Variants in INPP5D observed in about 807,000 individuals in gnomAD.
INPP5D encodes phosphatidylinositol 3,4,5-trisphosphate 5-phosphatase 1.
In INPP5D, 33 loss-of-function variants were observed where a neutral mutation model predicts 122.9. The observed-to-expected ratio is 0.27, with a 90% CI of 0.20 to 0.36. INPP5D has a LOEUF of 0.36. Among genes scored for constraint, INPP5D ranks in the 10% least tolerant of loss-of-function variants. The pLI is 1.00. For missense variants in INPP5D, 1,053 were observed against 1,412.7 expected, an observed-to-expected ratio of 0.75 and a Z score of 4.08; for synonymous variants, 584 against 576.2, an observed-to-expected ratio of 1.01 and a Z score of -0.19.
intron 13 of INPP5D, chr2:233,168,819 G>T (rs150137230): frequency 6.5e-6 from 1 of 153,978 alleles, no homozygotes; most frequent in Non-Finnish European, 1.4e-5. Context: ...CTTCCATGAA[G>T]TTCCCAGGTG....
chr2:233,164,295 T>C lies in INPP5D; in HGVS notation c.1438-12T>C. On this transcript the variant is annotated splice_polypyrimidine_tract_variant and intron_variant, in intron 12 of 26. Transcript: ENST00000445964. This position sits in a 1 kb window ranked among gnomAD's most constrained non-coding sequence, Gnocchi z 4.3. ...ACTTGGGCCGAGTATTGCAACGTTG[T>C]CCTCCCACCAGGTCGCCATCCACAC... is the stretch of plus-strand genomic sequence containing the variant. 6.5e-7 allele frequency: 1 copy of C among 1,545,102 alleles called. No homozygotes were observed. The highest frequency in any genetic ancestry group is 8.7e-7 in the Non-Finnish European group (1 of 1,143,600).
intron 9 of INPP5D, among the ~76,000 whole-genome samples, chr2:233,157,599 G>C (rs1694087395): frequency 6.6e-6 from 1 of 152,176 alleles, no homozygotes; most frequent in African/African-American, 2.4e-5. Context: ...AGGATGATGT[G>C]GGGACTGAAA....
intron 2 of INPP5D, among the ~76,000 whole-genome samples, chr2:233,089,156 G>T (rs1440214613): frequency 1.3e-5 from 2 of 152,158 alleles, no homozygotes; most frequent in African/African-American, 2.4e-5. Flanking sequence ...TCCCAACCAG[G>T]TGACAAGAGA....
chr2:233,165,624 C>A (rs1694312782), intron 13 of INPP5D, among the ~76,000 whole-genome samples: 1 of 150,230 alleles, frequency 6.7e-6, no homozygotes, highest in Non-Finnish European at 1.5e-5. Flanking sequence ...GAGTGTACCA[C>A]CCCGTATCTA....
rs559902032 is a variant in INPP5D, at chr2:233,196,890, C to T, written c.2694-1205C>T. On this transcript the variant is annotated intron_variant, in intron 24 of 26. Coordinates refer to ENST00000445964, the MANE Select transcript of INPP5D (RefSeq NM_001017915.3). The stretch of plus-strand genomic sequence containing the variant: ...CAGGAATTCTCATCTCTAGCACATT[C>T]CCTGATCCACTTCCAGCTTCCGATG... Among the ~76,000 whole-genome samples, 4 of 152,266 alleles carry T rather than the reference C, an allele frequency of 2.6e-5. No individual in the cohort carries two copies. In the East Asian group the frequency reaches 7.7e-4, roughly 29 times the overall value.
chr2:233,161,216 C>T (rs901738201), intron 10 of INPP5D, among the ~76,000 whole-genome samples: 9 of 152,070 alleles, frequency 5.9e-5, no homozygotes, highest in Admixed American at 4.6e-4. Context: ...CTCAGCCTCC[C>T]GAGTAGCTGG....
intron 24 of INPP5D, among the ~76,000 whole-genome samples, chr2:233,196,754 A>G (rs11680711): frequency 0.58 from 88,282 of 151,824 alleles, 25,772 homozygotes; most frequent in Admixed American, 0.62. Context: ...TCACCAGCCG[A>G]GGAGGCAGAA....
At chr2:233,175,769 A>G (rs567308353) in intron 17 of INPP5D, among the ~76,000 whole-genome samples, 16 of 150,806 alleles carry the variant, frequency 1.1e-4, no homozygotes, top group Admixed American at 9.3e-4. Context: ...CACAACCTCC[A>G]CCTTCTGGGT....
chr2:233,126,564 T>C (rs1693166737), intron 4 of INPP5D, among the ~76,000 whole-genome samples: 1 of 152,208 alleles, frequency 6.6e-6, no homozygotes, highest in Non-Finnish European at 1.5e-5. Flanking sequence ...TAGCCGAATA[T>C]CCAGTGTTGC....
chr2:233,146,159 C>T lies in INPP5D; in HGVS notation c.754-3C>T, dbSNP rs1466198279. 1 of 704,208 alleles carries T rather than the reference C, an allele frequency of 1.4e-6. No individual in the cohort carries two copies. Among genetic ancestry groups the T allele is most frequent in the Non-Finnish European group, 2.6e-6 (1 of 385,004 alleles). The allele number at this position is 704,208 out of a possible 1,614,324, so 43.6% of individuals were successfully genotyped here. ...CCCTGATCCTCTTTCCCTCCTCTCCCAGGTTCCTGGTGAGGCCAATCCCAT... is the reference window on the plus strand; with the variant it reads ...CCCTGATCCTCTTTCCCTCCTCTCCTAGGTTCCTGGTGAGGCCAATCCCAT... On this transcript the variant is annotated splice_region_variant and splice_polypyrimidine_tract_variant and intron_variant, in intron 6 of 26. Transcript: ENST00000445964.
At position 233,109,657 on chromosome 2, in the gene INPP5D, C is replaced by A. The variant is rs184762723; in HGVS notation, c.199-12450C>A. ...ACAATGGCGCGATCTCGGCTCACTG[C>A]AACCTCTGCCTCCCAGGTTCAAGCA... On this transcript the variant is annotated intron_variant, in intron 2 of 26. Coordinates refer to ENST00000445964, the MANE Select transcript of INPP5D (RefSeq NM_001017915.3). Among the ~76,000 whole-genome samples, 24 of 152,244 alleles carry A rather than the reference C, an allele frequency of 1.6e-4. No individual in the cohort carries two copies. In the East Asian group the frequency reaches 4.4e-3, roughly 28 times the overall value.
At chr2:233,137,899 C>T (rs1355014927) in intron 5 of INPP5D, among the ~76,000 whole-genome samples, 20 of 47,092 alleles carry the variant, frequency 4.2e-4, no homozygotes, top group East Asian at 2.2e-3. Context: ...TATATATATA[C>T]ACACACACAC....
chr2:233,142,667 G>T (rs1693656676), intron 6 of INPP5D, among the ~76,000 whole-genome samples: 1 of 152,128 alleles, frequency 6.6e-6, no homozygotes, highest in African/African-American at 2.4e-5. Context: ...AGAAAGGAGA[G>T]CCGGTAACCT....
chr2:233,073,257 C>G (rs192339957), intron 1 of INPP5D, among the ~76,000 whole-genome samples: 7 of 152,304 alleles, frequency 4.6e-5, no homozygotes, highest in Admixed American at 3.9e-4. Flanking sequence ...TTCTGTTTGT[C>G]ACAGGTTTGT....
chr2:233,190,219 G>T (rs982126729), intron 22 of INPP5D, among the ~76,000 whole-genome samples: 1 of 152,192 alleles, frequency 6.6e-6, no homozygotes, highest in Non-Finnish European at 1.5e-5. Flanking sequence ...ATATAACCTT[G>T]ACAAGACCTT....
chr2:233,176,953 C>T (rs1694655057), intron 17 of INPP5D, among the ~76,000 whole-genome samples: 1 of 151,914 alleles, frequency 6.6e-6, no homozygotes, highest in African/African-American at 2.4e-5. Flanking sequence ...GCTGAAAATA[C>T]AGGTGGGGGT....
At chr2:233,062,792 C>A (rs1691110123) in intron 1 of INPP5D, among the ~76,000 whole-genome samples, 1 of 152,148 alleles carries the variant, frequency 6.6e-6, no homozygotes, top group African/African-American at 2.4e-5. Flanking sequence ...CCACTGTAGG[C>A]CGTGGGTTGC....
At chr2:233,184,013 T>C (rs1694846490) in intron 19 of INPP5D, among the ~76,000 whole-genome samples, 1 of 152,152 alleles carries the variant, frequency 6.6e-6, no homozygotes, top group Admixed American at 6.5e-5. Flanking sequence ...CTGCTAGCCC[T>C]CATTATCTGA....
intron 17 of INPP5D, among the ~76,000 whole-genome samples, chr2:233,176,549 T>TAGATG: frequency 0.5 from 1 of 2 alleles, no homozygotes; most frequent in Non-Finnish European, 0.5. Context: ...TGATGATGTG[T>TAGATG]GGTGTGAGGA....
Sources: gnomAD v4.1 joint callset for allele counts (sites outside exome capture counted in the v4.1 genomes callset) on GRCh38, gnomAD v4.1.1 for gene constraint, Gnocchi (gnomAD v3.1) non-coding constraint, MANE v1.5 for transcripts, NCBI Gene and HGNC (gene_info 2026-07-23, HGNC 2026-07-21) for gene names.